The following CEP20 variants were observed in gnomAD, a reference collection of about 807,000 sequenced individuals.
CEP20 encodes FGFR1OP N-terminal like.
A neutral mutation model predicts 20.0 loss-of-function variants in CEP20; 18 were observed. The ratio of observed to expected loss-of-function variants is 0.90; its 90% CI spans 0.62 to 1.34. The LOEUF (loss-of-function observed/expected upper bound fraction) is 1.34. CEP20 is among the 40% of genes most tolerant of loss of function. The pLI, the probability that CEP20 is intolerant of heterozygous loss-of-function variation, is 0.00. For synonymous variants in CEP20, 77 were observed against 73.7 expected (o/e 1.04, Z -0.23); for missense variants, 215 against 201.6 (o/e 1.07, Z -0.40).
chr16:15,868,088 C>T (rs1211253583), intron 4 of CEP20, among the ~76,000 whole-genome samples: 3 of 151,724 alleles, frequency 2.0e-5, no homozygotes, highest in African/African-American at 7.3e-5. Flanking sequence ...GCAGTAAACC[C>T]ATGCATAAGT....
At chr16:15,888,120 G>A (rs151087949) in intron 1 of CEP20, among the ~76,000 whole-genome samples, 1,804 of 151,048 alleles carry the variant, frequency 0.012, 28 homozygotes, top group Non-Finnish European at 0.014. Context: ...TACTTAACAG[G>A]TTGTTGTAAG....
At chr16:15,887,810 G>A (rs1271697037) in intron 1 of CEP20, among the ~76,000 whole-genome samples, 2 of 152,066 alleles carry the variant, frequency 1.3e-5, no homozygotes, top group African/African-American at 4.8e-5. Context: ...TTCTTCTGAT[G>A]AAAAAGGGGC....
chr16:15,882,307 C>T (rs771578946), intron 2 of CEP20, among the ~76,000 whole-genome samples: 23 of 151,958 alleles, frequency 1.5e-4, no homozygotes, highest in Non-Finnish European at 2.1e-4. Context: ...TTTGGGAGGC[C>T]GAGGAGGGCG....
At chr16:15,885,312 A>T (rs2045213778) in intron 1 of CEP20, among the ~76,000 whole-genome samples, 1 of 144,744 alleles carries the variant, frequency 6.9e-6, no homozygotes, top group African/African-American at 2.6e-5. Context: ...TGTTTAAAAC[A>T]ACCAACCAAC....
chr16:15,871,647 T>A (rs56673581), intron 4 of CEP20, among the ~76,000 whole-genome samples: 2,479 of 152,312 alleles, frequency 0.016, 75 homozygotes, highest in African/African-American at 0.057. Context: ...CAGGTCTTAG[T>A]TGAGTTACTT....
chr16:15,867,070 T>C lies in CEP20; in HGVS notation c.*370A>G, dbSNP rs2044697286. On this transcript the variant is annotated 3_prime_UTR_variant, in exon 5 of 5. Coordinates refer to ENST00000255759, the MANE Select transcript of CEP20 (RefSeq NM_144600.4). Reference sequence around the variant, plus strand: ...TAAAAATACAAAAACTACTCCGGTGTGGTGGCACAGGCCTGTTTTCCCAGC... The same window carrying C: ...TAAAAATACAAAAACTACTCCGGTGCGGTGGCACAGGCCTGTTTTCCCAGC... 5.7e-6 allele frequency: 1 copy of C among 174,898 alleles called. No homozygotes were observed. The highest frequency in any genetic ancestry group is 1.2e-5 in the Non-Finnish European group (1 of 81,106). The allele number at this position is 174,898 out of a possible 1,614,324, so 10.8% of individuals were successfully genotyped here. A position where few individuals can be genotyped will look rare whatever the true frequency, so the allele number is the denominator to read the frequency against.
intron 3 of CEP20, among the ~76,000 whole-genome samples, chr16:15,874,412 C>G (rs942806474): frequency 1.3e-5 from 2 of 152,072 alleles, no homozygotes; most frequent in African/African-American, 4.8e-5. Context: ...AAAACCACAG[C>G]CAGGAGATTT....
At chr16:15,868,316 G>C (rs1022852604) in intron 4 of CEP20, among the ~76,000 whole-genome samples, 1 of 152,026 alleles carries the variant, frequency 6.6e-6, no homozygotes, top group Non-Finnish European at 1.5e-5. Context: ...CCAGCTACTT[G>C]GGAGGCTGAG....
At chr16:15,884,556 C>T (rs2151432378) in intron 1 of CEP20, among the ~76,000 whole-genome samples, 1 of 152,260 alleles carries the variant, frequency 6.6e-6, no homozygotes, top group Admixed American at 6.5e-5. Context: ...GGCTGGAGTG[C>T]AGTGGCACGA....
intron 1 of CEP20, among the ~76,000 whole-genome samples, chr16:15,886,716 A>G (rs1369067121): frequency 2.6e-5 from 4 of 152,214 alleles, no homozygotes; most frequent in Non-Finnish European, 5.9e-5. Context: ...TGCTTAAAAA[A>G]GGTAAATGCC....
intron 1 of CEP20, among the ~76,000 whole-genome samples, chr16:15,888,138 C>G (rs2045290807): frequency 6.6e-6 from 1 of 150,566 alleles, no homozygotes; most frequent in Non-Finnish European, 1.5e-5. Context: ...AAGGACCCAA[C>G]GAGACAACCA....
At chr16:15,876,417 G>A (rs59481690) in intron 3 of CEP20, among the ~76,000 whole-genome samples, 10,406 of 151,640 alleles carry the variant, frequency 0.069, 472 homozygotes, top group East Asian at 0.22. Flanking sequence ...GGCAGTTGCC[G>A]TGAGCCGAGA....
In CEP20 at chr16:15,884,003, C is replaced by G; in HGVS notation, c.226+5G>C. On this transcript the variant is annotated splice_donor_5th_base_variant and intron_variant, in intron 2 of 4. Coordinates refer to ENST00000255759, the MANE Select transcript of CEP20 (RefSeq NM_144600.4). ...GATTTTATGTGATAAATAATAACCACTTACCTGCTATGAGGACAGATGCTG... is the reference window on the plus strand; with the variant it reads ...GATTTTATGTGATAAATAATAACCAGTTACCTGCTATGAGGACAGATGCTG... 6.2e-7 allele frequency: 1 copy of G among 1,604,990 alleles called. No individual in the cohort carries two copies. The highest frequency in any genetic ancestry group is 8.5e-7 in the Non-Finnish European group (1 of 1,173,142).
intron 4 of CEP20, among the ~76,000 whole-genome samples, chr16:15,867,988 A>C (rs932996924): frequency 6.6e-6 from 1 of 151,676 alleles, no homozygotes; most frequent in African/African-American, 2.4e-5. Context: ...AAAAAAAAAA[A>C]AAAAAGAAAG....
chr16:15,867,866 G>A (rs968830273), intron 4 of CEP20, among the ~76,000 whole-genome samples: 23 of 151,538 alleles, frequency 1.5e-4, no homozygotes, highest in Admixed American at 1.4e-3. Flanking sequence ...CCAGCTACTC[G>A]GGAGGCTGAG....
In CEP20 at chr16:15,866,817, A is replaced by C. The variant is rs2044690788; in HGVS notation, c.*623T>G. 6.6e-6 allele frequency: 1 copy of C among 152,254 alleles called. No homozygotes were observed. Among genetic ancestry groups the C allele is most frequent in the Non-Finnish European group, 1.5e-5 (1 of 68,052 alleles). The allele number at this position is 152,254 out of a possible 1,614,324, so 9.4% of individuals were successfully genotyped here. A position where few individuals can be genotyped will look rare whatever the true frequency, so the allele number is the denominator to read the frequency against. On this transcript the variant is annotated 3_prime_UTR_variant, in exon 5 of 5. Transcript: ENST00000255759. ...CTACCTTTTAATTAAATCTTCCAGT[A>C]AGCCAAAGTCTAAGGAAAGAAAAAG...
intron 2 of CEP20, among the ~76,000 whole-genome samples, chr16:15,883,275 A>G (rs1485833449): frequency 6.6e-6 from 1 of 152,136 alleles, no homozygotes; most frequent in African/African-American, 2.4e-5. Context: ...ACGCAGGAAG[A>G]CTGCTTGAGC....
intron 2 of CEP20, among the ~76,000 whole-genome samples, chr16:15,880,962 C>T (rs908187594): frequency 6.6e-6 from 1 of 151,880 alleles, no homozygotes; most frequent in Non-Finnish European, 1.5e-5. Flanking sequence ...TTAGGGCTCC[C>T]ACTGATTCTA....
chr16:15,883,820 ATTAT>A (rs2045171053), intron 2 of CEP20, among the ~76,000 whole-genome samples, 184 bp downstream of exon 2: 1 of 152,290 alleles, frequency 6.6e-6, no homozygotes, highest in Non-Finnish European at 1.5e-5. Flanking sequence ...AGTTTAAGTG[ATTAT>A]TTAGTTATGT....
Sources: allele counts gnomAD v4.1 joint callset (sites outside exome capture counted in the v4.1 genomes callset), GRCh38; gene constraint gnomAD v4.1.1; transcripts MANE v1.5; gene names NCBI Gene and HGNC (gene_info 2026-07-23, HGNC 2026-07-21).